Variants in CCDC88C observed in about 807,000 individuals in gnomAD.
CCDC88C encodes protein Daple.
Under a neutral mutation model 198.8 loss-of-function variants are expected in CCDC88C, and 131 were observed. That is an observed-to-expected ratio of 0.66 (90% CI 0.57 to 0.76). CCDC88C has a LOEUF of 0.76. Ranked by LOEUF, CCDC88C falls within the 30% of genes least tolerant of loss-of-function variation. The pLI, the probability that CCDC88C is intolerant of heterozygous loss-of-function variation, is 0.00. For synonymous variants in CCDC88C, 1,166 were observed against 1,114.7 expected (o/e 1.05, Z -0.92); for missense variants, 2,553 against 2,631.6 (o/e 0.97, Z 0.65).
chr14:91,357,068 T>C (rs1188023254), intron 4 of CCDC88C, among the ~76,000 whole-genome samples: 1 of 152,190 alleles, frequency 6.6e-6, no homozygotes, highest in Non-Finnish European at 1.5e-5. Flanking sequence ...TAGATGTCCA[T>C]GTGTGACAGA....
intron 29 of CCDC88C, among the ~76,000 whole-genome samples, chr14:91,277,310 G>A (rs946388709): frequency 1.3e-5 from 2 of 152,178 alleles, no homozygotes; most frequent in African/African-American, 4.8e-5. Context: ...CACTGCATCT[G>A]GCCAGTTGCT....
At chr14:91,312,984 GAC>G in intron 15 of CCDC88C, 94 bp downstream of exon 15, 1 of 914,136 alleles carries the variant, frequency 1.1e-6, no homozygotes, top group Non-Finnish European at 1.6e-6. Flanking sequence ...ATTTAAGGAG[GAC>G]ACAGAGTCTT....
intron 25 of CCDC88C, among the ~76,000 whole-genome samples, chr14:91,286,559 G>C (rs1159194931): frequency 6.6e-6 from 1 of 152,114 alleles, no homozygotes; most frequent in East Asian, 1.9e-4. Context: ...AACATTAATC[G>C]ACCTAACCAA....
In CCDC88C at chr14:91,313,503, C is replaced by T; in HGVS notation, c.2313G>A (p.Leu771=). 6 of 1,608,254 alleles carry T rather than the reference C, an allele frequency of 3.7e-6. No homozygotes were observed. The highest frequency in any genetic ancestry group is 5.1e-6 in the Non-Finnish European group (6 of 1,179,810). Reference sequence around the variant, plus strand: ...GGCTGCTGCTCTCCAGGCTCTGCTGCAGCCGGAGGTTCTCAGCGCTCACGC... The same window carrying T: ...GGCTGCTGCTCTCCAGGCTCTGCTGTAGCCGGAGGTTCTCAGCGCTCACGC... The part of the protein sequence containing the change: ...YQSVSAENLR[L]QQSLESSSHK... The change falls in exon 15 of 30, where the codon CTG becomes CTA. Residue 771 remains leucine, a synonymous_variant. Coordinates refer to ENST00000389857, the MANE Select transcript of CCDC88C (RefSeq NM_001080414.4). The surrounding 1 kb of genome is among the most constrained non-coding windows in gnomAD (Gnocchi z 5.2).
chr14:91,401,065 A>G (rs2140000543), intron 3 of CCDC88C, among the ~76,000 whole-genome samples: 1 of 151,702 alleles, frequency 6.6e-6, no homozygotes, highest in Non-Finnish European at 1.5e-5. Flanking sequence ...CTGGTAAATG[A>G]AAAAAAGGCA....
At chr14:91,319,380 C>T (rs1454186776) in intron 13 of CCDC88C, among the ~76,000 whole-genome samples, 2 of 152,240 alleles carry the variant, frequency 1.3e-5, no homozygotes, top group African/African-American at 2.4e-5. Context: ...CCAGGAAGAC[C>T]TAACAGCTGT....
At chr14:91,367,061 T>A (rs1211681342) in intron 3 of CCDC88C, among the ~76,000 whole-genome samples, 1 of 152,210 alleles carries the variant, frequency 6.6e-6, no homozygotes, top group African/African-American at 2.4e-5. Context: ...AGAACAATGA[T>A]TTCACGAAGA....
chr14:91,280,202 C>T (rs1890141601), intron 27 of CCDC88C, among the ~76,000 whole-genome samples: 1 of 152,186 alleles, frequency 6.6e-6, no homozygotes, highest in South Asian at 2.1e-4. Flanking sequence ...CCCCCAGCAC[C>T]CAGCAGGTGC....
chr14:91,310,208 C>T (rs1465373061), intron 15 of CCDC88C, among the ~76,000 whole-genome samples: 2 of 151,822 alleles, frequency 1.3e-5, no homozygotes, highest in Non-Finnish European at 2.9e-5. Flanking sequence ...CAGGTGGCTA[C>T]ATGTCAGGAT....
intron 19 of CCDC88C, among the ~76,000 whole-genome samples, chr14:91,305,357 A>G (rs1294092604): frequency 3.9e-5 from 6 of 152,348 alleles, no homozygotes; most frequent in South Asian, 2.1e-4. Flanking sequence ...CTTAGAGATT[A>G]AAAATTCACA....
intron 6 of CCDC88C, among the ~76,000 whole-genome samples, chr14:91,341,001 A>C (rs1163708018): frequency 1.3e-5 from 2 of 152,078 alleles, no homozygotes; most frequent in Non-Finnish European, 2.9e-5. Flanking sequence ...TCTCTAAAAA[A>C]AAGAGACCCT....
In CCDC88C at chr14:91,297,282, G is replaced by A. The variant is rs367963867; in HGVS notation, c.3966+23C>T. ...TGGGGGACTCATCCCTGTCTCCCGAGGCTCCCCTGGCGCTGGCCTCACCTC... is the reference window on the plus strand; with the variant it reads ...TGGGGGACTCATCCCTGTCTCCCGAAGCTCCCCTGGCGCTGGCCTCACCTC... On this transcript the variant is annotated intron_variant, in intron 22 of 29. Coordinates refer to ENST00000389857, the MANE Select transcript of CCDC88C (RefSeq NM_001080414.4). 9 of 1,607,478 alleles carry A rather than the reference G, an allele frequency of 5.6e-6. No individual in the cohort carries two copies. In the African/African-American group the frequency reaches 1.1e-4, roughly 19 times the overall value.
At chr14:91,274,412 C>G (rs962021399) in intron 29 of CCDC88C, among the ~76,000 whole-genome samples, 1 of 152,228 alleles carries the variant, frequency 6.6e-6, no homozygotes, top group Admixed American at 6.5e-5. Context: ...GCCACAGAGG[C>G]AAGGGTCTAT....
intron 19 of CCDC88C, 22 bp from the exon 20 acceptor site, chr14:91,304,000 GC>G: frequency 6.3e-7 from 1 of 1,590,186 alleles, no homozygotes; most frequent in Non-Finnish European, 8.5e-7. Flanking sequence ...GAGAAGCGCG[GC>G]GTGGCGCAGG....
rs779438194 is a variant in CCDC88C at position 91,416,783 on chromosome 14, A to G, written c.116T>C (p.Met39Thr). The G allele has an allele frequency of 2.0e-5, 33 of 1,613,566 alleles. No homozygotes were observed. The highest frequency in any genetic ancestry group is 2.7e-5 in the African/African-American group (2 of 74,886). ...SGSQDNLTMY[M>T]DLVDGIFLNQ... ...CAAAAAGATGCCGTCCACTAAATCC[A>G]TGTACATAGTCAGGTTGTCCTGGCT... The change falls in exon 2 of 30, where the codon ATG (methionine) becomes ACG (threonine). Residue 39 changes from methionine (M) to threonine (T), a missense_variant. Met to Thr is a moderately conservative substitution (Grantham distance 81). Transcript: ENST00000389857.
chr14:91,413,818 C>A (rs1476471936), intron 2 of CCDC88C, among the ~76,000 whole-genome samples: 2 of 152,226 alleles, frequency 1.3e-5, no homozygotes, highest in African/African-American at 4.8e-5. Context: ...TGTTAGGTAA[C>A]AGCCTCTTAT....
At position 91,277,921 on chromosome 14, in the gene CCDC88C, C is replaced by G; in HGVS notation, c.5058+1G>C. On this transcript the variant is annotated splice_donor_variant, in intron 29 of 29. Coordinates refer to ENST00000389857, the MANE Select transcript of CCDC88C (RefSeq NM_001080414.4). LOFTEE classifies it high-confidence loss of function. ...GCCAAGTCCGTGTCCGGATCACTCACATGGGTGGGGGAGCTGCGGTTGCTC... is the reference window on the plus strand; with the variant it reads ...GCCAAGTCCGTGTCCGGATCACTCAGATGGGTGGGGGAGCTGCGGTTGCTC... 6.7e-7 allele frequency: 1 copy of G among 1,496,154 alleles called. No individual in the cohort carries two copies. 92.7% of individuals were successfully genotyped at this position (1,496,154 alleles called of 1,614,324 possible).
intron 18 of CCDC88C, among the ~76,000 whole-genome samples, 158 bp from the exon 19 acceptor site, chr14:91,306,084 A>C (rs1002085495): frequency 6.6e-6 from 1 of 152,238 alleles, no homozygotes; most frequent in African/African-American, 2.4e-5. Flanking sequence ...TCTTTGAAAA[A>C]GATAATCAGC....
rs372425024 is a variant in CCDC88C at position 91,313,430 on chromosome 14, G to A, written c.2386C>T (p.Arg796Cys). The A allele has an allele frequency of 1.6e-4, 257 of 1,607,384 alleles. 6 individuals carry two copies. In the South Asian group the frequency reaches 2.4e-3, roughly 15 times the overall value. Residue 796 changes from arginine (R) to cysteine (C), a missense_variant, in exon 15 of 30, where the codon CGC becomes TGC. Arg to Cys is a radical substitution (Grantham distance 180). Transcript: ENST00000389857. The surrounding 1 kb of genome is among the most constrained non-coding windows in gnomAD (Gnocchi z 5.2). ...ESELGELEAE[R>C]QALRRDLEAL... ...TCCAGGTCCCGCCGCAGCGCCTGGCGCTCAGCCTCCAGCTCGCCCAGCTCA... is the reference window on the plus strand; with the variant it reads ...TCCAGGTCCCGCCGCAGCGCCTGGCACTCAGCCTCCAGCTCGCCCAGCTCA...
Sources: allele counts gnomAD v4.1 joint callset (sites outside exome capture counted in the v4.1 genomes callset), GRCh38; gene constraint gnomAD v4.1.1; non-coding constraint Gnocchi (gnomAD v3.1); transcripts MANE v1.5; gene names NCBI Gene and HGNC (gene_info 2026-07-23, HGNC 2026-07-21).